QTGAL: variants seen among roughly 807,000 people sequenced by gnomAD.
QTGAL encodes queuosine-tRNA galactosyltransferase.
At chr17:82,945,624 G>C in the QTGAL span, 1 of 152,110 alleles carries the variant, frequency 6.6e-6, no homozygotes, top group Non-Finnish European at 1.5e-5. Flanking sequence ...TTATCTGTTT[G>C]GTTTTTTAAT....
chr17:83,027,100 A>G, the QTGAL span, among the ~76,000 whole-genome samples: 843 of 148,548 alleles, frequency 5.7e-3, 6 homozygotes, highest in South Asian at 0.026. Context: ...ACAGACACAC[A>G]GAGCAGGGCG....
the QTGAL span, among the ~76,000 whole-genome samples, chr17:83,014,739 C>T: frequency 6.6e-6 from 1 of 152,228 alleles, no homozygotes; most frequent in African/African-American, 2.4e-5. Context: ...ATATTTTAAA[C>T]TCACATAAAG....
the QTGAL span, among the ~76,000 whole-genome samples, chr17:82,956,310 C>T: frequency 6.6e-6 from 1 of 152,236 alleles, no homozygotes; most frequent in Admixed American, 6.5e-5. The surrounding 1 kb of genome is among the most constrained non-coding windows in gnomAD (Gnocchi z 5.7). Flanking sequence ...CTGAGGACAT[C>T]CCCGATGCAG....
the QTGAL span, among the ~76,000 whole-genome samples, chr17:82,976,996 G>A: frequency 1.3e-5 from 2 of 151,592 alleles, no homozygotes; most frequent in South Asian, 4.2e-4. Flanking sequence ...GGAGGCCACC[G>A]TCAGGGAGTC....
the QTGAL span, among the ~76,000 whole-genome samples, chr17:83,028,490 A>ATG: frequency 6.9e-6 from 1 of 144,474 alleles, no homozygotes; most frequent in African/African-American, 2.6e-5. Flanking sequence ...GCGCCACTGC[A>ATG]CTCCAGCCTG....
the QTGAL span, among the ~76,000 whole-genome samples, chr17:83,010,112 T>C: frequency 9.1e-6 from 1 of 109,930 alleles, no homozygotes; most frequent in Non-Finnish European, 1.9e-5. Context: ...TGGGGGGGGC[T>C]GCGGGGGCCC....
chr17:82,963,281 T>G, the QTGAL span, among the ~76,000 whole-genome samples: 1 of 152,120 alleles, frequency 6.6e-6, no homozygotes, highest in Non-Finnish European at 1.5e-5. Flanking sequence ...GGGACGCGCT[T>G]CCTTCCCCAG....
At chr17:83,017,166 A>C in the QTGAL span, among the ~76,000 whole-genome samples, 1 of 152,194 alleles carries the variant, frequency 6.6e-6, no homozygotes, top group African/African-American at 2.4e-5. Flanking sequence ...AGGTAGAAGG[A>C]TGGCGCTCAG....
the QTGAL span, among the ~76,000 whole-genome samples, chr17:82,952,900 C>T: frequency 6.6e-5 from 10 of 152,132 alleles, no homozygotes; most frequent in Non-Finnish European, 1.2e-4. Context: ...AACCCAAAAT[C>T]GCAGAACTAC....
At chr17:82,997,928 A>ATATATAT in the QTGAL span, among the ~76,000 whole-genome samples, 15 of 78,316 alleles carry the variant, frequency 1.9e-4, no homozygotes, top group East Asian at 1.3e-3. Context: ...TTTAAAAAAA[A>ATATATAT]AAATATATAT....
the QTGAL span, among the ~76,000 whole-genome samples, chr17:83,051,147 TG>T: frequency 3.0e-4 from 3 of 10,058 alleles, no homozygotes; most frequent in African/African-American, 8.9e-4. Flanking sequence ...GTGTGGGGTG[TG>T]GGGCAGGTGT....
chr17:83,005,380 G>T, the QTGAL span, among the ~76,000 whole-genome samples: 1 of 152,138 alleles, frequency 6.6e-6, no homozygotes, highest in African/African-American at 2.4e-5. This position sits in a 1 kb window ranked among gnomAD's most constrained non-coding sequence, Gnocchi z 5.6. Flanking sequence ...CGAGGAGGAG[G>T]AGGGATGCCT....
the QTGAL span, among the ~76,000 whole-genome samples, chr17:82,996,845 G>A: frequency 6.6e-6 from 1 of 152,170 alleles, no homozygotes; most frequent in Non-Finnish European, 1.5e-5. Flanking sequence ...ATATCCATAT[G>A]CAAAAGAATG....
the QTGAL span, among the ~76,000 whole-genome samples, chr17:82,991,543 C>G: frequency 1.3e-5 from 2 of 152,220 alleles, no homozygotes; most frequent in African/African-American, 4.8e-5. Flanking sequence ...TAGATCGCAA[C>G]ACTCAAGTCC....
At chr17:83,012,345 C>T in the QTGAL span, among the ~76,000 whole-genome samples, 1 of 152,222 alleles carries the variant, frequency 6.6e-6, no homozygotes, top group Non-Finnish European at 1.5e-5. Context: ...AAGGCAACTC[C>T]ATTAATGAAG....
At chr17:82,955,858 T>A in the QTGAL span, among the ~76,000 whole-genome samples, 2 of 152,072 alleles carry the variant, frequency 1.3e-5, no homozygotes, top group Non-Finnish European at 2.9e-5. Context: ...GGGACATGGA[T>A]GAAGCTGGAA....
the QTGAL span, among the ~76,000 whole-genome samples, chr17:82,959,309 G>A: frequency 6.6e-6 from 1 of 151,970 alleles, no homozygotes; most frequent in Non-Finnish European, 1.5e-5. Flanking sequence ...TATGCAGTGA[G>A]TGCACATGCC....
chr17:82,991,593 C>G, the QTGAL span, among the ~76,000 whole-genome samples: 37 of 152,254 alleles, frequency 2.4e-4, no homozygotes, highest in Admixed American at 8.5e-4. Flanking sequence ...AGGACAGGTA[C>G]GAACAAACAT....
the QTGAL span, chr17:83,034,920 G>A: frequency 7.1e-6 from 6 of 840,606 alleles, no homozygotes; most frequent in South Asian, 1.6e-5. Flanking sequence ...CACATTATTA[G>A]TCTAATAACC....
Sources: gnomAD v4.1 joint callset for allele counts (sites outside exome capture counted in the v4.1 genomes callset) on GRCh38, gnomAD v4.1.1 for gene constraint, Gnocchi (gnomAD v3.1) non-coding constraint, MANE v1.5 for transcripts, NCBI Gene and HGNC (gene_info 2026-07-23, HGNC 2026-07-21) for gene names.